Variants in CWC27 observed in about 807,000 individuals in gnomAD.
CWC27 encodes CWC27 spliceosome associated cyclophilin.
A neutral mutation model predicts 63.6 loss-of-function variants in CWC27; 47 were observed. That is an observed-to-expected ratio of 0.74 (90% CI 0.58 to 0.94). The LOEUF (loss-of-function observed/expected upper bound fraction) is 0.94, where lower values mean the gene tolerates loss of function less well. Ranked by LOEUF, CWC27 falls within the 40% of genes least tolerant of loss-of-function variation. The probability of loss-of-function intolerance (pLI) is 0.00; values close to 1 mark genes in which losing one functional copy is unlikely to be tolerated. For synonymous variants in CWC27, 175 were observed against 179.8 expected (o/e 0.97, Z 0.22); for missense variants, 495 against 554.3 (o/e 0.89, Z 1.07).
chr5:64,800,328 G>T lies in CWC27; in HGVS notation c.749+1G>T, dbSNP rs182274413. 7 of 1,601,648 alleles carry T rather than the reference G, an allele frequency of 4.4e-6. No individual in the cohort carries two copies. The highest frequency in any genetic ancestry group is 2.7e-5 in the African/African-American group (2 of 74,430). ...TCAGTTCTGTTCCAGTTGTAGAAAGGTTAGTCCATTGTTGGTATGATCCTA... is the reference window on the plus strand; with the variant it reads ...TCAGTTCTGTTCCAGTTGTAGAAAGTTTAGTCCATTGTTGGTATGATCCTA... On this transcript the variant is annotated splice_donor_variant, in intron 8 of 13. Coordinates refer to ENST00000381070, the MANE Select transcript of CWC27 (RefSeq NM_005869.4). LOFTEE classifies it high-confidence loss of function.
intron 11 of CWC27, among the ~76,000 whole-genome samples, chr5:64,939,574 C>G (rs1354983401): frequency 1.3e-5 from 2 of 152,224 alleles, no homozygotes; most frequent in African/African-American, 4.8e-5. Flanking sequence ...GAGGTGCCTT[C>G]AAGTCAGGAG....
intron 11 of CWC27, among the ~76,000 whole-genome samples, chr5:64,954,219 T>A (rs1023546832): frequency 6.6e-6 from 1 of 152,180 alleles, no homozygotes; most frequent in African/African-American, 2.4e-5. Flanking sequence ...TTTCAGCTTT[T>A]ACCAAAAGCA....
intron 13 of CWC27, among the ~76,000 whole-genome samples, chr5:65,003,787 C>T: frequency 6.6e-6 from 1 of 150,924 alleles, no homozygotes; most frequent in Non-Finnish European, 1.5e-5. Context: ...TATGTATTTT[C>T]TTATATGTGA....
intron 11 of CWC27, among the ~76,000 whole-genome samples, chr5:64,933,069 A>G (rs190284946): frequency 5.5e-4 from 84 of 152,204 alleles, no homozygotes; most frequent in African/African-American, 1.9e-3. Context: ...CTTATCCTCT[A>G]TTACTGCCTG....
intron 13 of CWC27, among the ~76,000 whole-genome samples, chr5:64,981,931 T>A (rs1187342658): frequency 6.6e-6 from 1 of 152,196 alleles, no homozygotes; most frequent in Non-Finnish European, 1.5e-5. Flanking sequence ...TGGATATGGA[T>A]TTTTTTCAGT....
intron 10 of CWC27, among the ~76,000 whole-genome samples, chr5:64,865,930 T>C (rs985785821): frequency 6.6e-5 from 10 of 152,202 alleles, no homozygotes; most frequent in African/African-American, 2.4e-4. Context: ...ACATCTGTCA[T>C]ATGGTGTGCC....
chr5:64,940,842 C>CTTTTTTTTT (rs70983655), intron 11 of CWC27, among the ~76,000 whole-genome samples: 19 of 64,958 alleles, frequency 2.9e-4, no homozygotes, highest in Admixed American at 4.6e-4. Flanking sequence ...TTCTTTCTTT[C>CTTTTTTTTT]TTTTTTTTTT....
At chr5:64,818,393 C>T (rs774545412) in intron 10 of CWC27, among the ~76,000 whole-genome samples, 3 of 152,054 alleles carry the variant, frequency 2.0e-5, no homozygotes, top group Admixed American at 6.6e-5. Context: ...TTTAGATAAG[C>T]GTTTACTTTA....
chr5:64,788,919 C>CTTTTT, intron 6 of CWC27, 32 bp from the exon 7 acceptor site: 1 of 1,240,830 alleles, frequency 8.1e-7, no homozygotes, highest in African/African-American at 1.6e-5. Flanking sequence ...CTTTCTCTTT[C>CTTTTT]TTTTTTTTTT....
At chr5:64,772,505 T>G (rs1225626472) in intron 1 of CWC27, among the ~76,000 whole-genome samples, 2 of 151,240 alleles carry the variant, frequency 1.3e-5, no homozygotes, top group African/African-American at 4.9e-5. Flanking sequence ...TGTGAGCCTG[T>G]AATCCCAGCT....
chr5:64,871,462 G>A (rs1193638970), intron 10 of CWC27, among the ~76,000 whole-genome samples: 1 of 151,966 alleles, frequency 6.6e-6, no homozygotes, highest in African/African-American at 2.4e-5. Flanking sequence ...TTTAGGTCAT[G>A]AGGAATAGAT....
At position 64,945,644 on chromosome 5, in the gene CWC27, T is replaced by C. The variant is rs894997270; in HGVS notation, c.1043-26059T>C. ...ATAACAGGTATTTTGCACAAAGAAGTTGTGACTCAGAGAAGTAATTGATGT... is the reference window on the plus strand; with the variant it reads ...ATAACAGGTATTTTGCACAAAGAAGCTGTGACTCAGAGAAGTAATTGATGT... On this transcript the variant is annotated intron_variant, in intron 11 of 13. Coordinates refer to ENST00000381070, the MANE Select transcript of CWC27 (RefSeq NM_005869.4). Among the ~76,000 whole-genome samples, 11 of 152,162 alleles carry C rather than the reference T, an allele frequency of 7.2e-5. No homozygotes were observed. In the East Asian group the frequency reaches 1.7e-3, roughly 24 times the overall value.
intron 11 of CWC27, among the ~76,000 whole-genome samples, chr5:64,912,777 A>G (rs1215616351): frequency 2.4e-4 from 36 of 152,290 alleles, no homozygotes; most frequent in Non-Finnish European, 1.5e-5. Flanking sequence ...TTCATTTACC[A>G]AGACTAATCT....
At chr5:64,941,428 C>A (rs1243536838) in intron 11 of CWC27, among the ~76,000 whole-genome samples, 1 of 152,002 alleles carries the variant, frequency 6.6e-6, no homozygotes, top group Non-Finnish European at 1.5e-5. Context: ...TTCTTTGCTA[C>A]TTTTTTTATT....
intron 11 of CWC27, among the ~76,000 whole-genome samples, chr5:64,887,993 A>G (rs1391251724): frequency 5.3e-5 from 8 of 152,136 alleles, no homozygotes; most frequent in Non-Finnish European, 1.2e-4. Context: ...CTCTAACAAT[A>G]TTAGAATCAA....
At chr5:64,894,457 A>G (rs867079162) in intron 11 of CWC27, among the ~76,000 whole-genome samples, 58 of 152,160 alleles carry the variant, frequency 3.8e-4, no homozygotes, top group African/African-American at 1.2e-3. Context: ...AATTGTTTCT[A>G]AAACCCCCCT....
At chr5:64,774,917 G>T in intron 2 of CWC27, 130 bp downstream of exon 2, 1 of 534,792 alleles carries the variant, frequency 1.9e-6, no homozygotes, top group Non-Finnish European at 3.3e-6. Flanking sequence ...TGAGGATATG[G>T]TATTGAGCTG....
intron 10 of CWC27, among the ~76,000 whole-genome samples, chr5:64,855,604 G>A (rs1181909243): frequency 6.6e-6 from 1 of 152,092 alleles, no homozygotes; most frequent in African/African-American, 2.4e-5. Context: ...AATGTTTGTT[G>A]AATAACTACC....
chr5:64,875,489 C>T (rs1746774230), intron 10 of CWC27, among the ~76,000 whole-genome samples: 1 of 152,054 alleles, frequency 6.6e-6, no homozygotes. Context: ...TGTTAGCCTC[C>T]CTCATAGAAT....
Sources: gnomAD v4.1 joint callset for allele counts (sites outside exome capture counted in the v4.1 genomes callset) on GRCh38, gnomAD v4.1.1 for gene constraint, MANE v1.5 for transcripts, NCBI Gene and HGNC (gene_info 2026-07-23, HGNC 2026-07-21) for gene names.